Variants in OSBPL9 observed in about 807,000 individuals in gnomAD.
The protein encoded by OSBPL9 is oxysterol-binding protein-related protein 9.
In OSBPL9, 40 loss-of-function variants were observed where a neutral mutation model predicts 106.6. That is an observed-to-expected ratio of 0.38 (90% CI 0.29 to 0.49). The LOEUF (loss-of-function observed/expected upper bound fraction) is 0.49. Among genes scored for constraint, OSBPL9 ranks in the 20% least tolerant of loss-of-function variants. OSBPL9 has a pLI of 0.97. For synonymous variants in OSBPL9, 269 were observed against 295.4 expected (o/e 0.91, Z 0.92); for missense variants, 609 against 887.2 (o/e 0.69, Z 3.98).
At chr1:51,528,595 A>G in the OSBPL9 span, among the ~76,000 whole-genome samples, 1 of 151,920 alleles carries the variant, frequency 6.6e-6, no homozygotes, top group East Asian at 1.9e-4. Context: ...ATTCCAGCCC[A>G]GCACAGTGGC....
chr1:51,695,947 A>G (rs897265338), intron 3 of OSBPL9, among the ~76,000 whole-genome samples: 2 of 152,254 alleles, frequency 1.3e-5, no homozygotes, highest in African/African-American at 4.8e-5. Context: ...TCATGTGAAC[A>G]GTACATACAA....
At chr1:51,543,941 T>G in the OSBPL9 span, among the ~76,000 whole-genome samples, 1 of 152,202 alleles carries the variant, frequency 6.6e-6, no homozygotes, top group Admixed American at 6.5e-5. Context: ...TCAGCACACT[T>G]TAGGGAGAAT....
At chr1:51,665,520 T>C (rs1378684607) in intron 2 of OSBPL9, among the ~76,000 whole-genome samples, 1 of 152,222 alleles carries the variant, frequency 6.6e-6, no homozygotes, top group African/African-American at 2.4e-5. Context: ...GGCTATTGTA[T>C]TGGACAGTGT....
chr1:51,688,431 A>C (rs1214368322), intron 3 of OSBPL9, among the ~76,000 whole-genome samples: 1 of 151,184 alleles, frequency 6.6e-6, no homozygotes, highest in Non-Finnish European at 1.5e-5. Context: ...CAGGAGTTCA[A>C]GACCAGCCTA....
intron 3 of OSBPL9, among the ~76,000 whole-genome samples, chr1:51,688,679 G>T (rs1034641954): frequency 6.6e-6 from 1 of 152,082 alleles, no homozygotes. Context: ...TTTACATTTT[G>T]TACTTAATGA....
At chr1:51,658,595 G>T (rs1039971462) in intron 2 of OSBPL9, among the ~76,000 whole-genome samples, 1 of 152,014 alleles carries the variant, frequency 6.6e-6, no homozygotes, top group Non-Finnish European at 1.5e-5. Flanking sequence ...GTTGTGCTAG[G>T]TATCAGAATT....
intron 2 of OSBPL9, among the ~76,000 whole-genome samples, chr1:51,660,275 C>T (rs1162730239): frequency 2.0e-5 from 3 of 152,034 alleles, no homozygotes; most frequent in African/African-American, 4.8e-5. Flanking sequence ...AAAGCATAAA[C>T]CACAATGGCA....
rs551119535 is a variant in OSBPL9 at position 51,624,067 on chromosome 1, C to T, written c.111+6846C>T. 7.2e-5 allele frequency among the ~76,000 whole-genome samples: 11 copies of T among 152,028 alleles called. No individual in the cohort carries two copies. The South Asian group carries it at 2.3e-3, about 32-fold the overall frequency. ...CGAGTAGCTGGGATTAAGGCACCCACCACCAGGCCTGGCTAATTTTTGTAT... is the reference window on the plus strand; with the variant it reads ...CGAGTAGCTGGGATTAAGGCACCCATCACCAGGCCTGGCTAATTTTTGTAT... On this transcript the variant is annotated intron_variant, in intron 1 of 23. Transcript: ENST00000428468.
chr1:51,610,942 T>G (rs1221125041), intron 2 of OSBPL9, among the ~76,000 whole-genome samples: 1 of 152,214 alleles, frequency 6.6e-6, no homozygotes. Flanking sequence ...TCCCAGACAC[T>G]GTTACATGTT....
intron 1 of OSBPL9, among the ~76,000 whole-genome samples, chr1:51,649,900 G>C (rs537909489): frequency 6.6e-6 from 1 of 151,716 alleles, no homozygotes; most frequent in South Asian, 2.1e-4. Context: ...TTGAAAAAAG[G>C]GTTTTGCTCT....
Position 51,784,277 on chromosome 1 carries a change from T to A in OSBPL9, c.1638T>A (p.Cys546Ter). Reference protein sequence around the residue: ...VHNIGQGCVSCLDYDEHYILT... With the variant: ...VHNIGQGCVS ...TTCTCTCCACAGGCTGTGTCTCATG[T>A]CTAGACTATGATGAACATTACATTC... Residue 546 changes from cysteine to a stop codon, truncating the protein, a stop_gained, in exon 19 of 24, where the codon TGT (cysteine) becomes TGA (stop). Coordinates refer to ENST00000428468, the MANE Select transcript of OSBPL9 (RefSeq NM_024586.6). LOFTEE classifies it high-confidence loss of function. 1 of 1,614,018 alleles carries A rather than the reference T, an allele frequency of 6.2e-7. No homozygotes were observed. Among genetic ancestry groups the A allele is most frequent in the Non-Finnish European group, 8.5e-7 (1 of 1,179,864 alleles).
chr1:51,592,811 C>G (rs1450139937), intron 1 of OSBPL9, among the ~76,000 whole-genome samples: 1 of 152,160 alleles, frequency 6.6e-6, no homozygotes, highest in Non-Finnish European at 1.5e-5. Flanking sequence ...TGAGCATTTA[C>G]TCCCCCATTG....
chr1:51,538,126 A>G, the OSBPL9 span, among the ~76,000 whole-genome samples: 4 of 152,174 alleles, frequency 2.6e-5, no homozygotes, highest in East Asian at 7.7e-4. Context: ...CCCCATCTCT[A>G]CTAAAAAATA....
intron 1 of OSBPL9, among the ~76,000 whole-genome samples, chr1:51,635,800 A>G (rs1645395542): frequency 6.6e-6 from 1 of 152,060 alleles, no homozygotes; most frequent in Admixed American, 6.6e-5. Context: ...GTTATAGGCC[A>G]CTAGATCAAA....
At chr1:51,614,857 C>T (rs376862606), upstream of OSBPL9, among the ~76,000 whole-genome samples, 10 of 152,098 alleles carry the variant, frequency 6.6e-5, no homozygotes, top group African/African-American at 2.4e-4. Context: ...AGCAAACTTG[C>T]CTAAGGCCAT....
chr1:51,614,729 G>C (rs1644012780), upstream of OSBPL9, among the ~76,000 whole-genome samples: 1 of 152,026 alleles, frequency 6.6e-6, no homozygotes, highest in Non-Finnish European at 1.5e-5. Flanking sequence ...CTATCTACCA[G>C]GCTCTGTTCT....
intron 1 of OSBPL9, among the ~76,000 whole-genome samples, chr1:51,591,809 G>A (rs79481660): frequency 3.7e-4 from 56 of 151,244 alleles, no homozygotes; most frequent in South Asian, 1.0e-3. Context: ...GAGAGAGAGA[G>A]AAAAAAAAGA....
chr1:51,671,958 CAT>C (rs1471235999), intron 3 of OSBPL9, among the ~76,000 whole-genome samples: 1 of 152,058 alleles, frequency 6.6e-6, no homozygotes, highest in Admixed American at 6.6e-5. Context: ...AGTTTATACT[CAT>C]ATATTTGAAG....
At chr1:51,697,650 T>A (rs1165778615) in intron 3 of OSBPL9, among the ~76,000 whole-genome samples, 1 of 151,528 alleles carries the variant, frequency 6.6e-6, no homozygotes, top group Non-Finnish European at 1.5e-5. Context: ...AAAAGCTACT[T>A]CTTGTAGTTT....
Sources: gnomAD v4.1 joint callset for allele counts (sites outside exome capture counted in the v4.1 genomes callset) on GRCh38, gnomAD v4.1.1 for gene constraint, MANE v1.5 for transcripts, NCBI Gene and HGNC (gene_info 2026-07-23, HGNC 2026-07-21) for gene names.